The following ADCK5 variants were observed in gnomAD, a reference collection of about 807,000 sequenced individuals.
ADCK5 encodes aarF domain containing kinase 5.
A neutral mutation model predicts 64.9 loss-of-function variants in ADCK5; 43 were observed. The ratio of observed to expected loss-of-function variants is 0.66; its 90% CI spans 0.52 to 0.85. The LOEUF (loss-of-function observed/expected upper bound fraction) is 0.85. Among genes scored for constraint, ADCK5 ranks in the 40% least tolerant of loss-of-function variants. The pLI, the probability that ADCK5 is intolerant of heterozygous loss-of-function variation, is 0.00. For missense variants in ADCK5, 760 were observed against 810.5 expected, an observed-to-expected ratio of 0.94 and a Z score of 0.76; for synonymous variants, 434 against 342.8, an observed-to-expected ratio of 1.27 and a Z score of -2.94.
chr8:144,392,909 C>A lies in ADCK5; in HGVS notation c.1637+17C>A. ...GGCGCTCAGGTGAGTGGCCGCGGGG[C>A]AGGTGGGTGGCGGGGGCCTGCTCCC... On this transcript the variant is annotated intron_variant, in intron 14 of 14. Coordinates refer to ENST00000308860, the MANE Select transcript of ADCK5 (RefSeq NM_174922.5). The A allele has an allele frequency of 6.3e-7, 1 of 1,598,038 alleles. No homozygotes were observed.
rs1385432050 is a variant in ADCK5, at chr8:144,374,933, C to T, written c.12+826C>T. 3.3e-5 allele frequency among the ~76,000 whole-genome samples: 5 copies of T among 152,362 alleles called. No homozygotes were observed. The East Asian group carries it at 9.6e-4, about 29-fold the overall frequency. On this transcript the variant is annotated intron_variant, in intron 1 of 14. Transcript: ENST00000308860. The stretch of plus-strand genomic sequence containing the variant: ...GCCTTGACACGCATCTTACCCACCC[C>T]CTTCCAGAAGAGATGAAGGGGCTCC...
chr8:144,380,829 T>C (rs1330905339), intron 2 of ADCK5, among the ~76,000 whole-genome samples: 1 of 140,756 alleles, frequency 7.1e-6, no homozygotes, highest in Non-Finnish European at 1.5e-5. Flanking sequence ...GATTATGGGC[T>C]GGGTGTAGAA....
intron 3 of ADCK5, among the ~76,000 whole-genome samples, chr8:144,386,779 C>T (rs1187105436): frequency 1.3e-5 from 2 of 152,244 alleles, no homozygotes; most frequent in Non-Finnish European, 2.9e-5. Context: ...TCCCCGTGGG[C>T]CCCAAAGTGG....
chr8:144,391,284 G>T lies in ADCK5; in HGVS notation c.684+10G>T, dbSNP rs782177701. 2 of 1,612,366 alleles carry T rather than the reference G, an allele frequency of 1.2e-6. No homozygotes were observed. The highest frequency in any genetic ancestry group is 4.5e-5 in the East Asian group (2 of 44,888). ...CAGCGTGGCTGTGAAGGTATATGGGGGCTGCCTTGTTCAGCAGTGGGCTGG... is the reference window on the plus strand; with the variant it reads ...CAGCGTGGCTGTGAAGGTATATGGGTGCTGCCTTGTTCAGCAGTGGGCTGG... On this transcript the variant is annotated intron_variant, in intron 6 of 14. Transcript: ENST00000308860.
chr8:144,388,976 G>A (rs1820075642), intron 3 of ADCK5, among the ~76,000 whole-genome samples: 1 of 152,156 alleles, frequency 6.6e-6, no homozygotes, highest in African/African-American at 2.4e-5. Flanking sequence ...GCAGGGACAG[G>A]CCTCTGGCCA....
At chr8:144,381,836 T>A (rs377663558) in intron 2 of ADCK5, among the ~76,000 whole-genome samples, 2 of 17,268 alleles carry the variant, frequency 1.2e-4, no homozygotes, top group Non-Finnish European at 1.1e-4. Context: ...AGGCCCCTGC[T>A]GCACTCAGGA....
At chr8:144,375,488 C>G in intron 1 of ADCK5, 1 of 985,472 alleles carries the variant, frequency 1.0e-6, no homozygotes, top group Non-Finnish European at 1.2e-6. Flanking sequence ...TTCTGAGACT[C>G]GGCAGTTGCT....
At chr8:144,375,787 G>A (rs541603757) in intron 1 of ADCK5, 114 of 513,292 alleles carry the variant, frequency 2.2e-4, no homozygotes, top group Non-Finnish European at 2.7e-4. Context: ...GGGGGCACCC[G>A]TTTCATCTTG....
chr8:144,391,962 G>A lies in ADCK5; in HGVS notation c.1036G>A (p.Ala346Thr), dbSNP rs1554860868. The A allele has an allele frequency of 8.1e-6, 13 of 1,612,716 alleles. No homozygotes were observed. Among genetic ancestry groups the A allele is most frequent in the Non-Finnish European group, 1.1e-5 (13 of 1,179,988 alleles). ...CCAGATAGCAGAAAAGCTCATCAAG[G>A]CCTTTGCTGAGCAGATATTTTACAC... ...VHDIAEKLIK[A>T]FAEQIFYTGF... The change falls in exon 10 of 15, where the codon GCC becomes ACC. Residue 346 changes from alanine (A) to threonine (T), a missense_variant. Around this residue, in one of 2 missense-constraint regions of ADCK5, gnomAD observed 427 missense variants for 518.4 expected, o/e 0.82. Coordinates refer to ENST00000308860, the MANE Select transcript of ADCK5 (RefSeq NM_174922.5).
At chr8:144,380,883 T>C (rs1380577863) in intron 2 of ADCK5, among the ~76,000 whole-genome samples, 94 of 94,930 alleles carry the variant, frequency 9.9e-4, no homozygotes, top group Admixed American at 1.9e-3. Flanking sequence ...GATTATGGGC[T>C]GGGTGTAGAA....
At chr8:144,382,233 C>T (rs1482778885) in intron 2 of ADCK5, among the ~76,000 whole-genome samples, 1 of 143,258 alleles carries the variant, frequency 7.0e-6, no homozygotes, top group African/African-American at 2.6e-5. Context: ...GATTATGGGC[C>T]GGGTGTAGAA....
rs1554857124 is a variant in ADCK5 at position 144,376,059 on chromosome 8, C to T, written c.12+1952C>T. ...CCATAACCTCTCTGGGCCTTGGGGA[C>T]CTCTCCTGTGTGATGGGAATTTCAG... On this transcript the variant is annotated intron_variant, in intron 1 of 14. Transcript: ENST00000308860. This position sits in a 1 kb window ranked among gnomAD's most constrained non-coding sequence, Gnocchi z 5.1. Among the ~76,000 whole-genome samples the T allele has an allele frequency of 6.6e-6, 1 of 152,152 alleles. No individual in the cohort carries two copies. Among genetic ancestry groups the T allele is most frequent in the Non-Finnish European group, 1.5e-5 (1 of 68,024 alleles).
intron 1 of ADCK5, chr8:144,375,437 G>A (rs1819323451): frequency 2.0e-6 from 2 of 984,652 alleles, no homozygotes; most frequent in African/African-American, 1.7e-5. Flanking sequence ...GGGTTCCCCA[G>A]GCTCTGGTCA....
At chr8:144,386,898 G>A (rs1391647400) in intron 3 of ADCK5, among the ~76,000 whole-genome samples, 1 of 152,242 alleles carries the variant, frequency 6.6e-6, no homozygotes, top group African/African-American at 2.4e-5. Context: ...AAGGGACAAA[G>A]GTCAGTCCTC....
intron 1 of ADCK5, chr8:144,375,761 A>G (rs1819337407): frequency 4.0e-6 from 3 of 745,076 alleles, no homozygotes; most frequent in South Asian, 6.1e-5. Context: ...ATAAGAAAGC[A>G]TGAGAGGTTC....
chr8:144,375,386 G>A (rs1819321502), intron 1 of ADCK5: 1 of 891,500 alleles, frequency 1.1e-6, no homozygotes, highest in African/African-American at 1.8e-5. Context: ...GGACAATTAT[G>A]TGCCTCAGTT....
Position 144,391,615 on chromosome 8 carries a change from C to G in ADCK5, c.834C>G (p.Phe278Leu), listed in dbSNP as rs992370425. 2 of 1,569,592 alleles carry G rather than the reference C, an allele frequency of 1.3e-6. No homozygotes were observed. Among genetic ancestry groups the G allele is most frequent in the African/African-American group, 2.7e-5 (2 of 74,348 alleles). The change falls in exon 8 of 15, where the codon TTC becomes TTG. Residue 278 changes from phenylalanine (F) to leucine (L), a missense_variant. This residue lies in a region of ADCK5 where 427 missense variants were observed against 518.4 expected (regional missense o/e 0.82). Transcript: ENST00000308860. ...LKGTLAQELD[F>L]ENEGRNAERC... ...GGACCCTGGCCCAGGAGCTGGACTT[C>G]GAGAATGAGGGCCGCAACGCAGAGC...
chr8:144,389,907 C>A (rs1289199919), intron 3 of ADCK5, among the ~76,000 whole-genome samples: 1 of 151,654 alleles, frequency 6.6e-6, no homozygotes, highest in Non-Finnish European at 1.5e-5. Context: ...TGGCTCACTG[C>A]AACCTCTGCC....
intron 1 of ADCK5, chr8:144,375,370 C>T (rs1554856931): frequency 1.2e-6 from 1 of 828,540 alleles, no homozygotes; most frequent in Non-Finnish European, 1.5e-6. Flanking sequence ...CTCTTCCTAA[C>T]TTTGGGGACA....
Sources: allele counts gnomAD v4.1 joint callset (sites outside exome capture counted in the v4.1 genomes callset), GRCh38; gene constraint gnomAD v4.1.1; regional missense constraint gnomAD v4.1.1; non-coding constraint Gnocchi (gnomAD v3.1); transcripts MANE v1.5; gene names NCBI Gene and HGNC (gene_info 2026-07-23, HGNC 2026-07-21).